CCDC150: variants seen among roughly 807,000 people sequenced by gnomAD.
CCDC150 encodes the protein coiled-coil domain containing 150, also known as coiled-coil domain-containing protein 150.
Under a neutral mutation model 156.5 loss-of-function variants are expected in CCDC150, and 151 were observed. The observed-to-expected ratio is 0.97, with a 90% CI of 0.85 to 1.10. The LOEUF is 1.10. Ranked by LOEUF, CCDC150 falls within the 50% of genes least tolerant of loss-of-function variation. The pLI, the probability that CCDC150 is intolerant of heterozygous loss-of-function variation, is 0.00. For missense variants in CCDC150, 1,312 were observed against 1,268.1 expected (o/e 1.03, Z -0.53); for synonymous variants, 452 against 429.4 (o/e 1.05, Z -0.65).
intron 13 of CCDC150, among the ~76,000 whole-genome samples, chr2:196,691,239 A>T (rs893442369): frequency 2.0e-5 from 3 of 152,192 alleles, no homozygotes. Context: ...GTTACAGAGT[A>T]GTCACTCCTT....
intron 4 of CCDC150, chr2:196,657,352 C>T (rs1261740306): frequency 2.0e-6 from 1 of 490,418 alleles, no homozygotes; most frequent in Non-Finnish European, 3.7e-6. Flanking sequence ...ATTTGTACAA[C>T]CCTTACCCCA....
At chr2:196,660,102 A>G (rs1157329264) in intron 5 of CCDC150, among the ~76,000 whole-genome samples, 2 of 152,134 alleles carry the variant, frequency 1.3e-5, no homozygotes, top group Admixed American at 6.6e-5. Flanking sequence ...TCTTTTATGC[A>G]TATGCGCTTA....
chr2:196,648,286 C>CCCTTG (rs1692661640), intron 2 of CCDC150, among the ~76,000 whole-genome samples: 1 of 152,058 alleles, frequency 6.6e-6, no homozygotes, highest in Admixed American at 6.6e-5. Context: ...TTTCTCAATA[C>CCCTTG]CCTTGCCAGC....
intron 15 of CCDC150, among the ~76,000 whole-genome samples, chr2:196,703,247 A>G (rs1190322257): frequency 6.6e-6 from 1 of 152,226 alleles, no homozygotes; most frequent in Non-Finnish European, 1.5e-5. Flanking sequence ...AGGGTTTACC[A>G]TAGGGTTAGC....
chr2:196,674,415 C>A, intron 10 of CCDC150, 67 bp downstream of exon 10: 1 of 816,566 alleles, frequency 1.2e-6, no homozygotes, highest in Non-Finnish European at 2.0e-6. Flanking sequence ...ATGTTTATGG[C>A]CAACTGGAGA....
intron 13 of CCDC150, among the ~76,000 whole-genome samples, chr2:196,690,759 G>A (rs1391380855): frequency 6.6e-6 from 1 of 152,196 alleles, no homozygotes; most frequent in Non-Finnish European, 1.5e-5. Flanking sequence ...GGAGTAGTGA[G>A]AGAGGGCATG....
Position 196,656,847 on chromosome 2 carries a change from A to C in CCDC150, c.391A>C (p.Lys131Gln). 6.2e-7 allele frequency: 1 copy of C among 1,613,796 alleles called. No individual in the cohort carries two copies. The highest frequency in any genetic ancestry group is 1.7e-5 in the Admixed American group (1 of 60,010). Residue 131 changes from lysine to glutamine, a missense_variant, in exon 3 of 28, where the codon AAA (lysine) becomes CAA (glutamine). Physicochemically the swap from Lys to Gln is moderately conservative, Grantham distance 53 (BLOSUM62 1). Coordinates refer to ENST00000389175, the MANE Select transcript of CCDC150 (RefSeq NM_001080539.2). The part of the protein sequence containing the change: ...LQTEKDLNPQ[K>Q]TAFLKDRLNA... ...AACTGAAAAGGATTTGAATCCTCAG[A>C]AAACAGGTATAGAGATAAGAATCAT...
chr2:196,674,800 C>T (rs1022058354), intron 10 of CCDC150, among the ~76,000 whole-genome samples: 2 of 152,074 alleles, frequency 1.3e-5, no homozygotes, highest in Non-Finnish European at 2.9e-5. Context: ...ATAAGTTTTC[C>T]CTTTCAACTT....
Position 196,725,982 on chromosome 2 carries a change from G to A in CCDC150, c.2439G>A (p.Met813Ile), listed in dbSNP as rs1698186583. The A allele has an allele frequency of 6.3e-7, 1 of 1,597,296 alleles. No individual in the cohort carries two copies. Among genetic ancestry groups the A allele is most frequent in the Non-Finnish European group, 8.5e-7 (1 of 1,171,436 alleles). Residue 813 changes from methionine to isoleucine, a missense_variant, in exon 22 of 28, where the codon ATG becomes ATA. Physicochemically the swap from Met to Ile is conservative, Grantham distance 10. Coordinates refer to ENST00000389175, the MANE Select transcript of CCDC150 (RefSeq NM_001080539.2). ...RQNLETFKDR[M>I]TEESKVEAEL... ...CTCTTCTTCAAAACAGAGACCGGAT[G>A]ACTGAAGAGTCCAAAGTGGAAGCAG...
At chr2:196,702,504 T>C (rs1696293236) in intron 15 of CCDC150, among the ~76,000 whole-genome samples, 1 of 151,900 alleles carries the variant, frequency 6.6e-6, no homozygotes, top group African/African-American at 2.4e-5. Context: ...GGGATTCAGG[T>C]GTGCAGCACC....
chr2:196,712,033 TTA>T, intron 15 of CCDC150, 110 bp from the exon 16 acceptor site: 1 of 365,194 alleles, frequency 2.7e-6, no homozygotes, highest in Non-Finnish European at 4.9e-6. Flanking sequence ...TTTTTTTTTT[TTA>T]CAACTCATGA....
chr2:196,645,830 G>T (rs570783269), intron 1 of CCDC150, among the ~76,000 whole-genome samples: 41 of 152,212 alleles, frequency 2.7e-4, no homozygotes, highest in African/African-American at 9.9e-4. Context: ...CTGTACAGAG[G>T]TCCAAGTATA....
chr2:196,697,967 G>A (rs191319741), intron 14 of CCDC150, among the ~76,000 whole-genome samples: 4 of 152,094 alleles, frequency 2.6e-5, no homozygotes, highest in African/African-American at 9.7e-5. Flanking sequence ...ATATTCTAAT[G>A]TTTGGTATCT....
chr2:196,721,162 C>T (rs1697859033), intron 20 of CCDC150, among the ~76,000 whole-genome samples: 1 of 149,970 alleles, frequency 6.7e-6, no homozygotes. Context: ...TTTTTTTCTT[C>T]AAGGGAGTGA....
chr2:196,656,661 G>T lies in CCDC150; in HGVS notation c.205G>T (p.Glu69Ter). ...CTATTTGGAAGCTCCAGACTGTTTA[G>T]AAGACCTGGACAGCCAGAAAGTCAT... ...RGYLEAPDCL[E>*]DLDSQKVISP... Residue 69 changes from glutamate to a stop codon, truncating the protein, a stop_gained, in exon 3 of 28, where the codon GAA becomes TAA. Coordinates refer to ENST00000389175, the MANE Select transcript of CCDC150 (RefSeq NM_001080539.2). LOFTEE classifies it high-confidence loss of function. 6.2e-7 allele frequency: 1 copy of T among 1,611,902 alleles called. No homozygotes were observed. Among genetic ancestry groups the T allele is most frequent in the Non-Finnish European group, 8.5e-7 (1 of 1,178,820 alleles).
chr2:196,706,476 C>G, intron 15 of CCDC150, among the ~76,000 whole-genome samples: 1 of 152,164 alleles, frequency 6.6e-6, no homozygotes, highest in South Asian at 2.1e-4. Context: ...AATTTGACTT[C>G]CTCTTTTCCT....
At chr2:196,694,668 C>A (rs1445466399) in intron 13 of CCDC150, among the ~76,000 whole-genome samples, 1 of 151,970 alleles carries the variant, frequency 6.6e-6, no homozygotes, top group East Asian at 1.9e-4. Context: ...TCGAGACCAG[C>A]CTGAACAACA....
intron 15 of CCDC150, among the ~76,000 whole-genome samples, chr2:196,701,594 C>A (rs1386670853): frequency 2.0e-5 from 3 of 152,094 alleles, no homozygotes; most frequent in Non-Finnish European, 4.4e-5. Context: ...CTATGGTACC[C>A]CAGAGCAGGA....
intron 23 of CCDC150, 160 bp downstream of exon 23, chr2:196,729,547 G>A: frequency 1.4e-6 from 1 of 711,938 alleles, no homozygotes; most frequent in South Asian, 1.9e-5. Context: ...TGGAGTCACT[G>A]CTGTGTAAAT....
Sources: gnomAD v4.1 joint callset for allele counts (sites outside exome capture counted in the v4.1 genomes callset) on GRCh38, gnomAD v4.1.1 for gene constraint, MANE v1.5 for transcripts, NCBI Gene and HGNC (gene_info 2026-07-23, HGNC 2026-07-21) for gene names.